The following NRXN1 variants were observed in gnomAD, a reference collection of about 807,000 sequenced individuals.
NRXN1 encodes neurexin-1.
Under a neutral mutation model 150.9 loss-of-function variants are expected in NRXN1, and 39 were observed. The ratio of observed to expected loss-of-function variants is 0.26; its 90% CI spans 0.20 to 0.34. NRXN1 has a LOEUF of 0.34. Among genes scored for constraint, NRXN1 ranks in the 10% least tolerant of loss-of-function variants. The probability of loss-of-function intolerance (pLI) is 1.00; values close to 1 mark genes in which losing one functional copy is unlikely to be tolerated. For missense variants in NRXN1, 1,815 were observed against 1,949.9 expected (o/e 0.93, Z 1.30); for synonymous variants, 924 against 757.0 (o/e 1.22, Z -3.62).
chr2:50,929,419 T>C (rs1363079575), intron 2 of NRXN1, among the ~76,000 whole-genome samples: 1 of 152,086 alleles, frequency 6.6e-6, no homozygotes, highest in Non-Finnish European at 1.5e-5. Context: ...ACAACTTACA[T>C]TAAAAAATGA....
chr2:50,920,650 G>A (rs1574934292), intron 5 of NRXN1, among the ~76,000 whole-genome samples: 1 of 151,766 alleles, frequency 6.6e-6, no homozygotes, highest in South Asian at 2.1e-4. Flanking sequence ...CAGTGGATGA[G>A]ATTTTGGCCT....
intron 19 of NRXN1, among the ~76,000 whole-genome samples, chr2:50,068,046 C>A (rs1394622936): frequency 1.3e-5 from 2 of 152,084 alleles, no homozygotes; most frequent in Non-Finnish European, 2.9e-5. Flanking sequence ...CTGATGTGGC[C>A]TATAAATGGA....
At chr2:50,242,214 C>G (rs2066065542) in intron 17 of NRXN1, among the ~76,000 whole-genome samples, 2 of 151,676 alleles carry the variant, frequency 1.3e-5, no homozygotes, top group Admixed American at 1.3e-4. Flanking sequence ...AACCTTTATT[C>G]TTTCTACAAC....
At chr2:50,443,374 G>A (rs987129769) in intron 17 of NRXN1, among the ~76,000 whole-genome samples, 15 of 152,136 alleles carry the variant, frequency 9.9e-5, no homozygotes, top group Admixed American at 2.6e-4. Context: ...CTTCAAGTAC[G>A]GCCTTGGCCT....
intron 5 of NRXN1, chr2:50,917,346 C>T (rs899847481): frequency 6.6e-6 from 1 of 151,642 alleles, no homozygotes; most frequent in Non-Finnish European, 1.5e-5. Context: ...TATCAGAAAT[C>T]ACAGCAAAAT....
chr2:50,353,517 T>C (rs1329751650), intron 17 of NRXN1, among the ~76,000 whole-genome samples: 7 of 152,120 alleles, frequency 4.6e-5, no homozygotes, highest in African/African-American at 1.2e-4. Context: ...TCATGTGACA[T>C]TGAGTTTAAG....
chr2:50,436,201 C>A (rs1034541084), intron 17 of NRXN1, among the ~76,000 whole-genome samples: 1 of 152,148 alleles, frequency 6.6e-6, no homozygotes, highest in Admixed American at 6.6e-5. Flanking sequence ...CGCCTGTAAT[C>A]CCAGCACTTT....
At chr2:50,914,208 T>C (rs1276038464) in intron 5 of NRXN1, among the ~76,000 whole-genome samples, 1 of 151,620 alleles carries the variant, frequency 6.6e-6, no homozygotes, top group East Asian at 2.0e-4. Flanking sequence ...CATACAATAA[T>C]GTATCTGTGT....
intron 5 of NRXN1, among the ~76,000 whole-genome samples, chr2:50,851,832 T>C (rs962605039): frequency 6.6e-6 from 1 of 152,214 alleles, no homozygotes; most frequent in Admixed American, 6.5e-5. Flanking sequence ...CCTTAAATTC[T>C]GTAAGATACG....
chr2:50,818,446 T>A (rs978625267), intron 5 of NRXN1, among the ~76,000 whole-genome samples: 26 of 151,952 alleles, frequency 1.7e-4, no homozygotes, highest in Non-Finnish European at 3.2e-4. Context: ...ATAAAATTGG[T>A]TTAATTTTTT....
At chr2:50,252,094 A>G (rs1392416083) in intron 17 of NRXN1, among the ~76,000 whole-genome samples, 5 of 150,736 alleles carry the variant, frequency 3.3e-5, no homozygotes, top group East Asian at 1.9e-4. Context: ...TGTTTTTGTC[A>G]TGAAATCTTT....
chr2:50,018,088 A>C (rs1686946047), intron 21 of NRXN1, among the ~76,000 whole-genome samples: 1 of 152,138 alleles, frequency 6.6e-6, no homozygotes, highest in Non-Finnish European at 1.5e-5. Flanking sequence ...GGAGGCATCC[A>C]AGGGACCCTG....
At chr2:50,898,075 G>A (rs1278151441) in intron 5 of NRXN1, among the ~76,000 whole-genome samples, 1 of 152,104 alleles carries the variant, frequency 6.6e-6, no homozygotes, top group East Asian at 1.9e-4. Flanking sequence ...TTCTTGAATT[G>A]CATTAGGTCT....
chr2:50,928,492 T>C (rs1044863759), intron 2 of NRXN1, among the ~76,000 whole-genome samples: 14 of 152,188 alleles, frequency 9.2e-5, no homozygotes, highest in African/African-American at 3.4e-4. Context: ...TGGTGGTAGC[T>C]CCAGCATTTA....
At chr2:51,012,328 G>A (rs1668008497) in intron 2 of NRXN1, among the ~76,000 whole-genome samples, 3 of 151,984 alleles carry the variant, frequency 2.0e-5, no homozygotes, top group African/African-American at 7.2e-5. Flanking sequence ...AAATGATGGT[G>A]ACTTAATTAA....
chr2:50,114,845 G>C (rs143917923), intron 18 of NRXN1, among the ~76,000 whole-genome samples: 52 of 152,092 alleles, frequency 3.4e-4, no homozygotes, highest in South Asian at 8.3e-4. Context: ...CACATTGGTT[G>C]CCAGGATCTA....
chr2:50,241,351 G>C (rs1162080711), intron 17 of NRXN1, among the ~76,000 whole-genome samples: 1 of 151,686 alleles, frequency 6.6e-6, no homozygotes, highest in Non-Finnish European at 1.5e-5. Context: ...ATATGCAGTG[G>C]CAGTACATCT....
chr2:50,939,842 T>C (rs1391299658), intron 2 of NRXN1, among the ~76,000 whole-genome samples: 2 of 152,188 alleles, frequency 1.3e-5, no homozygotes, highest in Non-Finnish European at 2.9e-5. Flanking sequence ...CCAGTGCGGA[T>C]GTACATTTAG....
intron 17 of NRXN1, among the ~76,000 whole-genome samples, chr2:50,327,578 C>G (rs1282449225): frequency 2.0e-5 from 3 of 151,776 alleles, no homozygotes; most frequent in African/African-American, 7.3e-5. Context: ...CAAAGAAAAC[C>G]TTCATCATGC....
Sources: gnomAD v4.1 joint callset for allele counts (sites outside exome capture counted in the v4.1 genomes callset) on GRCh38, gnomAD v4.1.1 for gene constraint, MANE v1.5 for transcripts, NCBI Gene and HGNC (gene_info 2026-07-23, HGNC 2026-07-21) for gene names.